TRIM33: variants seen among roughly 807,000 people sequenced by gnomAD.
TRIM33 encodes the protein tripartite motif containing 33, also known as E3 ubiquitin-protein ligase TRIM33.
A neutral mutation model predicts 125.4 loss-of-function variants in TRIM33; 20 were observed. The observed-to-expected ratio is 0.16, with a 90% CI of 0.11 to 0.23. The LOEUF (loss-of-function observed/expected upper bound fraction) is 0.23. Among genes scored for constraint, TRIM33 ranks in the 10% least tolerant of loss-of-function variants. The probability of loss-of-function intolerance (pLI) is 1.00; values close to 1 mark genes in which losing one functional copy is unlikely to be tolerated. For missense variants in TRIM33, 920 were observed against 1,411.4 expected, an observed-to-expected ratio of 0.65 and a Z score of 5.58; for synonymous variants, 564 against 513.9, an observed-to-expected ratio of 1.10 and a Z score of -1.32.
chr1:114,465,781 CCTGTAATCCCAGCA>C (rs1650254920), intron 1 of TRIM33, among the ~76,000 whole-genome samples: 1 of 152,106 alleles, frequency 6.6e-6, no homozygotes, highest in African/African-American at 2.4e-5. Flanking sequence ...GTGGCTCACG[CCTGTAATCCCAGCA>C]CTTTGGGAGG....
intron 4 of TRIM33, among the ~76,000 whole-genome samples, chr1:114,461,528 T>C (rs1164621529): frequency 6.6e-6 from 1 of 151,518 alleles, no homozygotes; most frequent in African/African-American, 2.4e-5. Context: ...AGAAGTGCTC[T>C]GTGTTGTGTG....
chr1:114,439,847 T>C (rs77492244), intron 4 of TRIM33, among the ~76,000 whole-genome samples: 171 of 152,262 alleles, frequency 1.1e-3, no homozygotes, highest in Middle Eastern at 3.4e-3. Flanking sequence ...TAAAACAGAT[T>C]TCTTGATGGA....
chr1:114,457,411 T>C (rs1353494601), intron 4 of TRIM33, among the ~76,000 whole-genome samples: 4 of 152,002 alleles, frequency 2.6e-5, no homozygotes, highest in African/African-American at 7.2e-5. Context: ...TAGAAAAAAA[T>C]AGCTACTACA....
intron 4 of TRIM33, among the ~76,000 whole-genome samples, chr1:114,453,257 G>A (rs1649426440): frequency 6.6e-6 from 1 of 151,720 alleles, no homozygotes; most frequent in African/African-American, 2.4e-5. Context: ...CCAGCTACTC[G>A]GGAAGCTGAG....
At chr1:114,463,996 G>A (rs753265801) in intron 2 of TRIM33, among the ~76,000 whole-genome samples, 4 of 151,594 alleles carry the variant, frequency 2.6e-5, no homozygotes, top group Non-Finnish European at 2.9e-5. Context: ...CTCGAACTCC[G>A]GGGCTCAAGC....
At chr1:114,506,843 A>T (rs1653032849) in intron 1 of TRIM33, among the ~76,000 whole-genome samples, 1 of 152,164 alleles carries the variant, frequency 6.6e-6, no homozygotes, top group Non-Finnish European at 1.5e-5. Context: ...AAAATATTTA[A>T]ATCTGTGTTC....
intron 1 of TRIM33, among the ~76,000 whole-genome samples, chr1:114,492,619 A>G (rs968240339): frequency 1.1e-4 from 16 of 152,032 alleles, no homozygotes; most frequent in African/African-American, 3.6e-4. Context: ...CCTCTAGTCT[A>G]CTTTCTGTCT....
At position 114,395,146 on chromosome 1, in the gene TRIM33, C is replaced by T. The variant is rs541234469; in HGVS notation, c.*2502G>A. 126 of 199,104 alleles carry T rather than the reference C, an allele frequency of 6.3e-4. No homozygotes were observed. Among genetic ancestry groups the T allele is most frequent in the African/African-American group, 2.4e-3 (106 of 43,626 alleles). 12.3% of individuals were successfully genotyped at this position (199,104 alleles called of 1,614,324 possible). ...TGAAAAAATCAGCTTAGAAACACAA[C>T]GATCAGTGTGCAAGAAAAAAGCTTT... On this transcript the variant is annotated 3_prime_UTR_variant, in exon 20 of 20. Transcript: ENST00000358465.
chr1:114,424,554 A>C (rs748248843), intron 10 of TRIM33, 37 bp downstream of exon 10: 3 of 1,469,318 alleles, frequency 2.0e-6, no homozygotes. Context: ...TTAATTTTAA[A>C]ATTGTAGGAT....
intron 12 of TRIM33, 45 bp downstream of exon 12, chr1:114,410,138 GT>G (rs764031254): frequency 1.2e-6 from 2 of 1,606,850 alleles, no homozygotes; most frequent in Middle Eastern, 1.7e-4. Flanking sequence ...TACTGACACT[GT>G]TTTTTTAAGG....
intron 1 of TRIM33, among the ~76,000 whole-genome samples, chr1:114,483,629 T>C (rs1261594536): frequency 1.3e-5 from 2 of 151,854 alleles, no homozygotes; most frequent in Non-Finnish European, 2.9e-5. Flanking sequence ...CCCAGGCTGG[T>C]TTCAAACTCC....
intron 4 of TRIM33, among the ~76,000 whole-genome samples, chr1:114,456,462 C>A (rs1281609363): frequency 6.6e-6 from 1 of 152,122 alleles, no homozygotes; most frequent in Non-Finnish European, 1.5e-5. Flanking sequence ...ACTATGAAAG[C>A]CTGAAGTAGT....
chr1:114,457,218 C>T (rs1039185149), intron 4 of TRIM33, among the ~76,000 whole-genome samples: 4 of 152,092 alleles, frequency 2.6e-5, no homozygotes, highest in African/African-American at 7.2e-5. Flanking sequence ...CCCTATGATC[C>T]GCCATGATTT....
chr1:114,397,538 A>G lies in TRIM33; in HGVS notation c.*110T>C. On this transcript the variant is annotated 3_prime_UTR_variant, in exon 20 of 20. Coordinates refer to ENST00000358465, the MANE Select transcript of TRIM33 (RefSeq NM_015906.4). Reference sequence around the variant, plus strand: ...TATCAGCTTCTTCAAGGAGGTGCCCACTGTAGGCAGGATATTCCAGCAACA... The same window carrying G: ...TATCAGCTTCTTCAAGGAGGTGCCCGCTGTAGGCAGGATATTCCAGCAACA... 8.0e-6 allele frequency: 6 copies of G among 748,610 alleles called. No homozygotes were observed. Among genetic ancestry groups the G allele is most frequent in the Non-Finnish European group, 1.3e-5 (6 of 460,214 alleles). 46.4% of individuals were successfully genotyped at this position (748,610 alleles called of 1,614,324 possible).
At chr1:114,458,999 A>C (rs1185009767) in intron 4 of TRIM33, among the ~76,000 whole-genome samples, 6 of 152,224 alleles carry the variant, frequency 3.9e-5, no homozygotes, top group African/African-American at 1.4e-4. Context: ...AGAAAATAAA[A>C]TGAAAGCATG....
At chr1:114,435,867 T>G (rs945129956) in intron 4 of TRIM33, among the ~76,000 whole-genome samples, 2 of 141,114 alleles carry the variant, frequency 1.4e-5, no homozygotes, top group African/African-American at 5.5e-5. Context: ...GCTGGGACTA[T>G]AGACACCCGC....
chr1:114,469,364 T>A (rs963033015), intron 1 of TRIM33: 5 of 153,220 alleles, frequency 3.3e-5, no homozygotes, highest in African/African-American at 7.2e-5. Flanking sequence ...TATACTGTTG[T>A]ATTAAAAAAA....
chr1:114,478,069 C>T (rs1425824037), intron 1 of TRIM33, among the ~76,000 whole-genome samples: 1 of 152,086 alleles, frequency 6.6e-6, no homozygotes, highest in Non-Finnish European at 1.5e-5. Context: ...AAAAAGCAAA[C>T]AACGAATTCA....
At chr1:114,479,204 A>C (rs1427703473) in intron 1 of TRIM33, among the ~76,000 whole-genome samples, 1 of 152,262 alleles carries the variant, frequency 6.6e-6, no homozygotes, top group East Asian at 1.9e-4. Flanking sequence ...ACATAAATGT[A>C]ATAAAAGTCA....
Sources: gnomAD v4.1 joint callset for allele counts (sites outside exome capture counted in the v4.1 genomes callset) on GRCh38, gnomAD v4.1.1 for gene constraint, MANE v1.5 for transcripts, NCBI Gene and HGNC (gene_info 2026-07-23, HGNC 2026-07-21) for gene names.